DNAH14: variants seen among roughly 807,000 people sequenced by gnomAD.
The protein encoded by DNAH14 is axonemal beta dynein heavy chain 14.
DNAH14 carries 478 observed loss-of-function variants against 520.9 expected under a neutral mutation model. That is an observed-to-expected ratio of 0.92 (90% CI 0.85 to 0.99). The LOEUF (loss-of-function observed/expected upper bound fraction) is 0.99. DNAH14 is among the 50% of genes least tolerant of loss of function. The pLI is 0.00. For missense variants in DNAH14, 4,831 were observed against 5,234.5 expected, an observed-to-expected ratio of 0.92 and a Z score of 2.38; for synonymous variants, 1,581 against 1,757.2, an observed-to-expected ratio of 0.90 and a Z score of 2.51.
intron 8 of DNAH14, among the ~76,000 whole-genome samples, chr1:224,978,425 G>T (rs535876706): frequency 6.6e-6 from 1 of 152,266 alleles, no homozygotes; most frequent in South Asian, 2.1e-4. Flanking sequence ...AAATATTCTT[G>T]TTCTCACTAA....
intron 54 of DNAH14, among the ~76,000 whole-genome samples, chr1:225,284,434 T>C (rs634996): frequency 0.013 from 2,018 of 152,186 alleles, 38 homozygotes; most frequent in African/African-American, 0.046. Context: ...TATAAATTAC[T>C]GAAACTGAAG....
chr1:225,134,299 A>T (rs571908643), intron 27 of DNAH14, among the ~76,000 whole-genome samples: 2 of 151,988 alleles, frequency 1.3e-5, no homozygotes, highest in Non-Finnish European at 2.9e-5. Context: ...TCCTTGTTTT[A>T]TGCCAGTTTT....
At chr1:224,964,452 C>G in intron 4 of DNAH14, 27 bp from the exon 5 acceptor site, 1 of 1,582,328 alleles carries the variant, frequency 6.3e-7, no homozygotes, top group Non-Finnish European at 8.6e-7. Flanking sequence ...TGCACTTATA[C>G]TGGATTTTTA....
chr1:225,196,944 T>C (rs2086217051), intron 38 of DNAH14, among the ~76,000 whole-genome samples: 1 of 152,202 alleles, frequency 6.6e-6, no homozygotes, highest in Admixed American at 6.5e-5. Flanking sequence ...TTCTGGATAT[T>C]AGTCCTTCAT....
At chr1:225,006,320 A>G (rs1457811877) in intron 9 of DNAH14, among the ~76,000 whole-genome samples, 1 of 152,210 alleles carries the variant, frequency 6.6e-6, no homozygotes. Flanking sequence ...GGGCACCTTG[A>G]AAAAGAACAG....
chr1:225,171,093 C>T (rs1360906691), intron 36 of DNAH14, among the ~76,000 whole-genome samples: 1 of 152,122 alleles, frequency 6.6e-6, no homozygotes, highest in Admixed American at 6.5e-5. Context: ...CACAGCATAC[C>T]AGAGTCTCTG....
intron 41 of DNAH14, among the ~76,000 whole-genome samples, chr1:225,210,359 G>T (rs991709116): frequency 2.0e-5 from 3 of 152,134 alleles, no homozygotes; most frequent in African/African-American, 7.2e-5. Context: ...GCTTGAATAG[G>T]CAGTTTTCCC....
chr1:225,234,415 C>G (rs1171534689), intron 42 of DNAH14, among the ~76,000 whole-genome samples: 1 of 152,158 alleles, frequency 6.6e-6, no homozygotes, highest in Admixed American at 6.5e-5. Flanking sequence ...GTCTCCATCT[C>G]CTGACCTCAT....
chr1:225,102,612 G>A (rs1314992097), intron 23 of DNAH14, among the ~76,000 whole-genome samples: 4 of 152,148 alleles, frequency 2.6e-5, no homozygotes, highest in Non-Finnish European at 5.9e-5. Context: ...ATCTCATTGT[G>A]GTTTAGATTT....
intron 60 of DNAH14, among the ~76,000 whole-genome samples, chr1:225,314,817 G>A (rs1042506667): frequency 3.3e-5 from 5 of 152,190 alleles, no homozygotes; most frequent in Non-Finnish European, 7.3e-5. Flanking sequence ...CTGTTAGTCT[G>A]ATGGGCTTCC....
intron 78 of DNAH14, among the ~76,000 whole-genome samples, chr1:225,377,027 C>T (rs1322919589): frequency 6.6e-6 from 1 of 151,756 alleles, no homozygotes; most frequent in East Asian, 1.9e-4. Flanking sequence ...ATATCATATG[C>T]ACATTACAAT....
intron 56 of DNAH14, among the ~76,000 whole-genome samples, chr1:225,302,109 T>TATATATAATATATATTATATATTCTGC (rs1558315239): frequency 6.7e-5 from 10 of 148,208 alleles, no homozygotes; most frequent in Admixed American, 1.4e-4. Flanking sequence ...ATATGTTTTA[T>TATATATAATATATATTATATATTCTGC]ATATATAATA....
chr1:225,256,929 T>A (rs2149738947), intron 44 of DNAH14, among the ~76,000 whole-genome samples: 1 of 151,956 alleles, frequency 6.6e-6, no homozygotes, highest in African/African-American at 2.4e-5. Context: ...AAAGACAGAA[T>A]CTCTGGCACA....
chr1:225,132,903 A>G (rs1272546489), intron 27 of DNAH14, among the ~76,000 whole-genome samples: 1 of 152,136 alleles, frequency 6.6e-6, no homozygotes, highest in African/African-American at 2.4e-5. Context: ...TTGACTTTTT[A>G]ACAATAGCCA....
In DNAH14 at chr1:225,029,419, C is replaced by A. The variant is rs78821911; in HGVS notation, c.1358+5554C>A. 5.0e-3 allele frequency among the ~76,000 whole-genome samples: 763 copies of A among 152,074 alleles called. 6 individuals carry two copies. Among genetic ancestry groups the A allele is most frequent in the African/African-American group, 0.017 (720 of 41,516 alleles). On this transcript the variant is annotated intron_variant, in intron 11 of 85. Coordinates refer to ENST00000682510, the MANE Select transcript of DNAH14 (RefSeq NM_001367479.1). The stretch of plus-strand genomic sequence containing the variant: ...GCATACCTGAGAAGCATGAATTTTA[C>A]TGGATATAAATTATACCTCAATAAA...
At chr1:224,985,803 C>T (rs1309418939) in intron 8 of DNAH14, among the ~76,000 whole-genome samples, 3 of 148,052 alleles carry the variant, frequency 2.0e-5, no homozygotes, top group Non-Finnish European at 4.6e-5. Context: ...CAGAATTAAT[C>T]AAGCAGAAGA....
intron 37 of DNAH14, among the ~76,000 whole-genome samples, chr1:225,190,906 C>T (rs943871237): frequency 6.6e-6 from 1 of 151,978 alleles, no homozygotes; most frequent in Non-Finnish European, 1.5e-5. Flanking sequence ...CACATAACTA[C>T]CAATCCAGTA....
At chr1:225,209,619 CAA>C (rs1484613071) in intron 41 of DNAH14, among the ~76,000 whole-genome samples, 1 of 152,032 alleles carries the variant, frequency 6.6e-6, no homozygotes, top group Non-Finnish European at 1.5e-5. Context: ...ACAACAATAA[CAA>C]GAGAAGATGA....
chr1:225,341,147 C>T lies in DNAH14; in HGVS notation c.10678+446C>T, dbSNP rs368540399. 5.1e-4 allele frequency among the ~76,000 whole-genome samples: 77 copies of T among 152,062 alleles called. 1 individual carries two copies. The highest frequency in any genetic ancestry group is 1.7e-3 in the African/African-American group (71 of 41,462). On this transcript the variant is annotated intron_variant, in intron 69 of 85. Coordinates refer to ENST00000682510, the MANE Select transcript of DNAH14 (RefSeq NM_001367479.1). ...TTTTAGACAGTCTTACTCCATCACCCAGTCTGGAGTGCAGTGGCGCAATCT... is the reference window on the plus strand; with the variant it reads ...TTTTAGACAGTCTTACTCCATCACCTAGTCTGGAGTGCAGTGGCGCAATCT...
Sources: gnomAD v4.1 joint callset for allele counts (sites outside exome capture counted in the v4.1 genomes callset) on GRCh38, gnomAD v4.1.1 for gene constraint, MANE v1.5 for transcripts, NCBI Gene and HGNC (gene_info 2026-07-23, HGNC 2026-07-21) for gene names.